RNF180: variants seen among roughly 807,000 people sequenced by gnomAD.
The protein encoded by RNF180 is E3 ubiquitin-protein ligase RNF180.
A neutral mutation model predicts 59.2 loss-of-function variants in RNF180; 38 were observed. The observed-to-expected ratio is 0.64, with a 90% CI of 0.50 to 0.84. The LOEUF (loss-of-function observed/expected upper bound fraction) is 0.84. Ranked by LOEUF, RNF180 falls within the 40% of genes least tolerant of loss-of-function variation. The pLI is 0.00. For missense variants in RNF180, 705 were observed against 700.9 expected, an observed-to-expected ratio of 1.01 and a Z score of -0.07; for synonymous variants, 262 against 240.3, an observed-to-expected ratio of 1.09 and a Z score of -0.84.
chr5:64,358,397 G>C (rs1295384704), intron 7 of RNF180, among the ~76,000 whole-genome samples: 1 of 151,796 alleles, frequency 6.6e-6, no homozygotes, highest in Non-Finnish European at 1.5e-5. Flanking sequence ...TCAGAGACTA[G>C]AATATTTCTG....
intron 5 of RNF180, among the ~76,000 whole-genome samples, chr5:64,312,595 C>T (rs1041897108): frequency 2.6e-5 from 4 of 152,062 alleles, no homozygotes; most frequent in African/African-American, 9.7e-5. Context: ...TGTTACTTTG[C>T]AGTGTTGTTA....
chr5:64,241,339 C>G (rs1174956507), intron 5 of RNF180, among the ~76,000 whole-genome samples: 1 of 152,186 alleles, frequency 6.6e-6, no homozygotes, highest in African/African-American at 2.4e-5. Flanking sequence ...AAGCAGACAT[C>G]TGCTGGGGTC....
chr5:64,170,620 T>C (rs1406228587), intron 1 of RNF180, among the ~76,000 whole-genome samples: 11 of 152,190 alleles, frequency 7.2e-5, no homozygotes, highest in African/African-American at 1.9e-4. Flanking sequence ...AAGAATCTTA[T>C]TATGATGGAG....
At chr5:64,302,902 G>T (rs1743231761) in intron 5 of RNF180, among the ~76,000 whole-genome samples, 1 of 151,498 alleles carries the variant, frequency 6.6e-6, no homozygotes, top group South Asian at 2.1e-4. Flanking sequence ...TTGTATTTTT[G>T]CACTTTGCTT....
intron 1 of RNF180, among the ~76,000 whole-genome samples, chr5:64,175,732 A>G (rs1002559194): frequency 6.6e-6 from 1 of 152,186 alleles, no homozygotes; most frequent in South Asian, 2.1e-4. Flanking sequence ...AATCTAATCC[A>G]TGAACACAGA....
chr5:64,200,947 G>A lies in RNF180; in HGVS notation c.135+5G>A. The stretch of plus-strand genomic sequence containing the variant: ...CTTGAGAATCAAGTGATTAAGGTGA[G>A]TATTGGTAACTCCAGTCTTCAGTTT... On this transcript the variant is annotated splice_donor_5th_base_variant and intron_variant, in intron 2 of 7. Transcript: ENST00000389100. 1.9e-6 allele frequency: 3 copies of A among 1,612,510 alleles called. No homozygotes were observed. The highest frequency in any genetic ancestry group is 2.5e-6 in the Non-Finnish European group (3 of 1,178,920).
intron 1 of RNF180, among the ~76,000 whole-genome samples, chr5:64,199,818 A>G (rs1751645002): frequency 6.6e-6 from 1 of 152,228 alleles, no homozygotes; most frequent in Non-Finnish European, 1.5e-5. Context: ...TATTAGTGTG[A>G]AACTATTATC....
chr5:64,294,166 G>T (rs78032189), intron 5 of RNF180, among the ~76,000 whole-genome samples: 1,745 of 152,116 alleles, frequency 0.011, 33 homozygotes, highest in African/African-American at 0.039. Flanking sequence ...TAACTGAATG[G>T]TACATTTAAA....
intron 2 of RNF180, among the ~76,000 whole-genome samples, chr5:64,202,891 C>T (rs912045810): frequency 1.3e-5 from 2 of 152,192 alleles, no homozygotes; most frequent in Admixed American, 1.3e-4. Flanking sequence ...CCCAAGTTCA[C>T]ACTGCTACTA....
chr5:64,224,324 G>T (rs1197981259), intron 5 of RNF180, among the ~76,000 whole-genome samples: 1 of 152,094 alleles, frequency 6.6e-6, no homozygotes, highest in African/African-American at 2.4e-5. Flanking sequence ...GAACCATACT[G>T]GGAGAGAGAA....
intron 5 of RNF180, among the ~76,000 whole-genome samples, chr5:64,268,839 G>T (rs1269272421): frequency 6.6e-6 from 1 of 152,120 alleles, no homozygotes; most frequent in Non-Finnish European, 1.5e-5. Context: ...TTAGTTTTAT[G>T]CAGAGCTGCC....
At chr5:64,276,356 G>GTGTGTA (rs1375736643) in intron 5 of RNF180, among the ~76,000 whole-genome samples, 3 of 143,552 alleles carry the variant, frequency 2.1e-5, no homozygotes, top group Non-Finnish European at 4.5e-5. Context: ...GTGTGTGTGT[G>GTGTGTA]TGTACAAAAA....
At chr5:64,238,358 A>G (rs1275457847) in intron 5 of RNF180, among the ~76,000 whole-genome samples, 1 of 152,190 alleles carries the variant, frequency 6.6e-6, no homozygotes, top group African/African-American at 2.4e-5. Context: ...GAAATACTCG[A>G]GTGGGATCAC....
chr5:64,256,885 T>C (rs1744000900), intron 5 of RNF180, among the ~76,000 whole-genome samples: 1 of 152,152 alleles, frequency 6.6e-6, no homozygotes, highest in African/African-American at 2.4e-5. Flanking sequence ...CGTTGAGCAG[T>C]GGTTTGTAGT....
At chr5:64,282,170 T>C (rs539136998) in intron 5 of RNF180, among the ~76,000 whole-genome samples, 1 of 152,298 alleles carries the variant, frequency 6.6e-6, no homozygotes, top group African/African-American at 2.4e-5. Context: ...TGTGAACTTC[T>C]CTGGTCTGGT....
At chr5:64,329,343 G>A (rs1251413559) in intron 6 of RNF180, among the ~76,000 whole-genome samples, 1 of 152,032 alleles carries the variant, frequency 6.6e-6, no homozygotes, top group African/African-American at 2.4e-5. Flanking sequence ...TAGCATCAAG[G>A]ACCGGTTTTA....
chr5:64,349,795 C>G lies in RNF180; in HGVS notation c.1579+19389C>G, dbSNP rs183109941. 7.3e-4 allele frequency among the ~76,000 whole-genome samples: 111 copies of G among 152,198 alleles called. 1 individual carries two copies. The East Asian group carries it at 0.012, about 17-fold the overall frequency. On this transcript the variant is annotated intron_variant, in intron 7 of 7. Transcript: ENST00000389100. The stretch of plus-strand genomic sequence containing the variant: ...TCCTTTTTTATGGCTGCATAGTATT[C>G]CATGGTGTATATGTGCCACATTTTC...
At chr5:64,215,175 G>A (rs1235729079) in intron 4 of RNF180, among the ~76,000 whole-genome samples, 3 of 152,124 alleles carry the variant, frequency 2.0e-5, no homozygotes, top group Non-Finnish European at 2.9e-5. Context: ...GTTAGGTGCT[G>A]TGGAAAGAAA....
chr5:64,271,276 C>T (rs1741383354), intron 5 of RNF180, among the ~76,000 whole-genome samples: 1 of 152,000 alleles, frequency 6.6e-6, no homozygotes, highest in African/African-American at 2.4e-5. Context: ...AAACTGAACC[C>T]TCTTTAATGT....
Sources: allele counts gnomAD v4.1 joint callset (sites outside exome capture counted in the v4.1 genomes callset), GRCh38; gene constraint gnomAD v4.1.1; transcripts MANE v1.5; gene names NCBI Gene and HGNC (gene_info 2026-07-23, HGNC 2026-07-21).